Variants in CDH6 observed in about 807,000 individuals in gnomAD.
CDH6 encodes cadherin-6.
A neutral mutation model predicts 78.0 loss-of-function variants in CDH6; 31 were observed. That is an observed-to-expected ratio of 0.40 (90% CI 0.30 to 0.54). The LOEUF is 0.54. Among genes scored for constraint, CDH6 ranks in the 20% least tolerant of loss-of-function variants. The pLI is 0.56. For synonymous variants in CDH6, 376 were observed against 368.8 expected (o/e 1.02, Z -0.23); for missense variants, 724 against 975.9 (o/e 0.74, Z 3.44).
At chr5:31,267,068 A>G (rs1742382957) in intron 1 of CDH6, among the ~76,000 whole-genome samples, 1 of 152,202 alleles carries the variant, frequency 6.6e-6, no homozygotes, top group South Asian at 2.1e-4. Context: ...AGAGTAGCGC[A>G]ATAATCCATT....
chr5:31,223,647 G>T (rs935559626), intron 1 of CDH6, among the ~76,000 whole-genome samples: 3 of 152,032 alleles, frequency 2.0e-5, no homozygotes, highest in Non-Finnish European at 2.9e-5. Flanking sequence ...TTACATTTTG[G>T]TTCCGGTGGT....
intron 1 of CDH6, among the ~76,000 whole-genome samples, chr5:31,248,189 T>G (rs1018968004): frequency 1.3e-5 from 2 of 152,214 alleles, no homozygotes; most frequent in Non-Finnish European, 2.9e-5. Context: ...CTCATTGGCA[T>G]GAGTACGATG....
chr5:31,317,669 C>T lies in CDH6; in HGVS notation c.1631-4C>T. On this transcript the variant is annotated splice_region_variant and splice_polypyrimidine_tract_variant and intron_variant, in intron 10 of 11. Transcript: ENST00000265071. The stretch of plus-strand genomic sequence containing the variant: ...ACATTCACCACTTTGCTTTCCGGTT[C>T]CAGACAACACGGCGGGAATCTTAAC... 6.2e-7 allele frequency: 1 copy of T among 1,605,908 alleles called. No individual in the cohort carries two copies. Among genetic ancestry groups the T allele is most frequent in the Non-Finnish European group, 8.5e-7 (1 of 1,173,844 alleles).
intron 1 of CDH6, among the ~76,000 whole-genome samples, chr5:31,203,243 T>TTA (rs932140056): frequency 9.2e-5 from 12 of 129,756 alleles, no homozygotes; most frequent in East Asian, 4.2e-4. Flanking sequence ...CTTTTTTTTT[T>TTA]TTATTTATTT....
chr5:31,194,235 C>T (rs1740099352), intron 1 of CDH6, among the ~76,000 whole-genome samples: 1 of 152,216 alleles, frequency 6.6e-6, no homozygotes, highest in Admixed American at 6.5e-5. Context: ...GCAGAGGCTG[C>T]CAGGGGAGCT....
chr5:31,319,263 T>C (rs1330370628), intron 11 of CDH6, among the ~76,000 whole-genome samples: 1 of 152,180 alleles, frequency 6.6e-6, no homozygotes, highest in Non-Finnish European at 1.5e-5. Context: ...CCGCCTTTCA[T>C]TTCCTTCCTC....
intron 1 of CDH6, chr5:31,250,940 CCT>C (rs1315854472): frequency 1.3e-5 from 2 of 152,468 alleles, no homozygotes; most frequent in African/African-American, 4.8e-5. Context: ...GGAAAAGGTC[CCT>C]CCACCACTTG....
chr5:31,302,846 AAGAAAG>A (rs1180653640), intron 6 of CDH6, among the ~76,000 whole-genome samples: 68 of 145,872 alleles, frequency 4.7e-4, no homozygotes, highest in Non-Finnish European at 7.4e-4. Context: ...GAAAGAAAGA[AAGAAAG>A]AGAAAGAAAG....
rs745730316 is a variant in CDH6, at chr5:31,313,304, C to T, written c.1254-14C>T. 4 of 1,604,010 alleles carry T rather than the reference C, an allele frequency of 2.5e-6. No individual in the cohort carries two copies. The South Asian group carries it at 4.4e-5, about 18-fold the overall frequency. On this transcript the variant is annotated splice_polypyrimidine_tract_variant and intron_variant, in intron 7 of 11. Transcript: ENST00000265071. ...GAAAGAAAAGCCTTTCTTAATTCCA[C>T]TCTGCATTTTCAGGTACTCTGTAGA...
At chr5:31,237,672 T>A (rs1295689604) in intron 1 of CDH6, among the ~76,000 whole-genome samples, 10 of 152,206 alleles carry the variant, frequency 6.6e-5, no homozygotes, top group African/African-American at 2.4e-4. Flanking sequence ...TATGACCATT[T>A]TCCCCCCATT....
intron 1 of CDH6, among the ~76,000 whole-genome samples, chr5:31,199,296 A>G (rs1740255406): frequency 6.6e-6 from 1 of 151,022 alleles, no homozygotes; most frequent in Non-Finnish European, 1.5e-5. Context: ...ACATATATAT[A>G]GTGGACAGAA....
rs541190137 is a variant in CDH6 at position 31,305,267 on chromosome 5, A to C, written c.1093A>C (p.Lys365Gln). 1.2e-6 allele frequency: 2 copies of C among 1,614,150 alleles called. No homozygotes were observed. Among genetic ancestry groups the C allele is most frequent in the South Asian group, 1.1e-5 (1 of 91,086 alleles). ...EPRFLYLGPFKDSATVRIVVE... is the reference protein window; with the variant it reads ...EPRFLYLGPFQDSATVRIVVE... ...ACGATTTCTCTACTTGGGGCCTTTC[A>C]AAGATTCAGCCACGGTTAGAATTGT... The change falls in exon 7 of 12, where the codon AAA becomes CAA. Residue 365 changes from lysine (K) to glutamine (Q), a missense_variant. Lys to Gln is a moderately conservative substitution (Grantham distance 53). This residue lies in a region of CDH6 where 446 missense variants were observed against 684.5 expected (regional missense o/e 0.65). Coordinates refer to ENST00000265071, the MANE Select transcript of CDH6 (RefSeq NM_004932.4).
chr5:31,205,252 G>C (rs1040419007), intron 1 of CDH6, among the ~76,000 whole-genome samples: 1 of 152,156 alleles, frequency 6.6e-6, no homozygotes, highest in Non-Finnish European at 1.5e-5. Context: ...GCTTGCCAGT[G>C]AAAATACACT....
chr5:31,254,189 A>T (rs1741988669), intron 1 of CDH6, among the ~76,000 whole-genome samples: 1 of 152,182 alleles, frequency 6.6e-6, no homozygotes, highest in African/African-American at 2.4e-5. Context: ...AGACTGTCCA[A>T]GTATCACAGT....
In CDH6 at chr5:31,317,687, A is replaced by G. The variant is rs753145442; in HGVS notation, c.1645A>G (p.Ile549Val). ...IQDNKDNTAGILTRKNGYNRH... is the reference protein window; with the variant it reads ...IQDNKDNTAGVLTRKNGYNRH... ...TCCGGTTCCAGACAACACGGCGGGA[A>G]TCTTAACTCGGAAAAATGGCTATAA... Residue 549 changes from isoleucine (I) to valine (V), a missense_variant, in exon 11 of 12, where the codon ATC becomes GTC. Transcript: ENST00000265071. 2 of 1,609,388 alleles carry G rather than the reference A, an allele frequency of 1.2e-6. No individual in the cohort carries two copies. The highest frequency in any genetic ancestry group is 1.7e-6 in the Non-Finnish European group (2 of 1,176,028).
At chr5:31,304,469 G>A (rs1266410030) in intron 6 of CDH6, among the ~76,000 whole-genome samples, 3 of 151,986 alleles carry the variant, frequency 2.0e-5, no homozygotes, top group East Asian at 3.9e-4. Context: ...GGTGGATCAC[G>A]AGTTCAAGAG....
At chr5:31,228,493 C>G (rs922939983) in intron 1 of CDH6, among the ~76,000 whole-genome samples, 3 of 152,162 alleles carry the variant, frequency 2.0e-5, no homozygotes, top group African/African-American at 7.2e-5. Flanking sequence ...CCCATGGACT[C>G]CCACCCCAGC....
At chr5:31,217,072 G>A (rs1156805248) in intron 1 of CDH6, among the ~76,000 whole-genome samples, 1 of 152,054 alleles carries the variant, frequency 6.6e-6, no homozygotes, top group Non-Finnish European at 1.5e-5. Context: ...GGCGTGTATA[G>A]GTGCAACAAT....
chr5:31,302,798 G>GAGAGAGAAAGAAAGAAAGAA (rs1282911479), intron 6 of CDH6, among the ~76,000 whole-genome samples: 1 of 36,598 alleles, frequency 2.7e-5, no homozygotes, highest in Non-Finnish European at 5.4e-5. Context: ...GAGAGAGAGA[G>GAGAGAGAAAGAAAGAAAGAA]AGAAAGAAAG....
Sources: allele counts gnomAD v4.1 joint callset (sites outside exome capture counted in the v4.1 genomes callset), GRCh38; gene constraint gnomAD v4.1.1; regional missense constraint gnomAD v4.1.1; transcripts MANE v1.5; gene names NCBI Gene and HGNC (gene_info 2026-07-23, HGNC 2026-07-21).